OPRM1: variants seen among roughly 807,000 people sequenced by gnomAD.
OPRM1 encodes opioid receptor mu 1, also known as mu-type opioid receptor.
In OPRM1, 27 loss-of-function variants were observed where a neutral mutation model predicts 31.8. The ratio of observed to expected loss-of-function variants is 0.85; its 90% CI spans 0.63 to 1.17. OPRM1 has a LOEUF of 1.17. OPRM1 is among the 50% of genes most tolerant of loss of function. The pLI, the probability that OPRM1 is intolerant of heterozygous loss-of-function variation, is 0.00. For synonymous variants in OPRM1, 196 were observed against 189.9 expected (o/e 1.03, Z -0.26); for missense variants, 536 against 511.1 (o/e 1.05, Z -0.47).
chr6:154,061,892 C>T (rs1303982579), intron 1 of OPRM1, among the ~76,000 whole-genome samples: 9 of 151,406 alleles, frequency 5.9e-5, no homozygotes, highest in South Asian at 2.1e-4. Flanking sequence ...GATTTTATGG[C>T]GAACAAAAGT....
intron 3 of OPRM1, chr6:154,199,917 A>T (rs769951595): frequency 1.9e-6 from 3 of 1,614,162 alleles, no homozygotes; most frequent in Non-Finnish European, 2.5e-6. Context: ...TCAGGCAAGG[A>T]TTGTCTCTCT....
intron 3 of OPRM1, among the ~76,000 whole-genome samples, chr6:154,094,873 T>C (rs906230304): frequency 2.0e-5 from 3 of 152,188 alleles, no homozygotes; most frequent in African/African-American, 7.2e-5. Context: ...AGCGAATAAT[T>C]ATGACCACTT....
In OPRM1 at chr6:154,040,783, T is replaced by C. The variant is rs113442379; in HGVS notation, c.290+949T>C. Among the ~76,000 whole-genome samples, 1,056 of 152,356 alleles carry C rather than the reference T, an allele frequency of 6.9e-3. 17 individuals carry two copies. The highest frequency in any genetic ancestry group is 0.024 in the African/African-American group (1,002 of 41,578). On this transcript the variant is annotated intron_variant, in intron 1 of 3. Coordinates refer to ENST00000330432, the MANE Select transcript of OPRM1 (RefSeq NM_000914.5). ...CAAAAGAGTTGTAGTCCACTTTCTG[T>C]TTACCCAGATGTTCCCGGTATATTT...
chr6:154,117,965 A>G (rs1051747620), intron 3 of OPRM1, among the ~76,000 whole-genome samples: 5 of 152,122 alleles, frequency 3.3e-5, no homozygotes, highest in African/African-American at 9.7e-5. Flanking sequence ...TAAAATTTTA[A>G]AAAAATGATC....
chr6:154,072,294 T>A (rs1786952361), intron 1 of OPRM1, among the ~76,000 whole-genome samples: 1 of 152,204 alleles, frequency 6.6e-6, no homozygotes, highest in Non-Finnish European at 1.5e-5. Flanking sequence ...AGGTAGGCAG[T>A]TGAGTGCAGA....
In OPRM1 at chr6:154,018,261, A is replaced by G. The variant is rs116421649; in HGVS notation, c.-1+7243A>G. Among the ~76,000 whole-genome samples the G allele has an allele frequency of 4.8e-3, 726 of 152,202 alleles. 2 individuals are homozygous for G. The highest frequency in any genetic ancestry group is 0.016 in the African/African-American group (647 of 41,512). On this transcript the variant is annotated intron_variant, in intron 1 of 5. Transcript: ENST00000434900. The stretch of plus-strand genomic sequence containing the variant: ...TGGTGAAACTCTCTCTCTTCTAAAA[A>G]TATAAAGAATTAGCCAGGCATGGTG...
intron 3 of OPRM1, among the ~76,000 whole-genome samples, chr6:154,203,658 C>A (rs573933464): frequency 6.6e-6 from 1 of 152,160 alleles, no homozygotes; most frequent in Non-Finnish European, 1.5e-5. Context: ...TAAACCCCCA[C>A]AGATACCAAG....
chr6:154,054,323 C>T (rs1782784289), intron 1 of OPRM1, among the ~76,000 whole-genome samples: 5 of 146,308 alleles, frequency 3.4e-5, no homozygotes, highest in South Asian at 2.2e-4. Context: ...GAGCTGAAAT[C>T]GCGCCACTGC....
At chr6:154,027,871 A>G (rs1162769892) in intron 1 of OPRM1, among the ~76,000 whole-genome samples, 3 of 152,142 alleles carry the variant, frequency 2.0e-5, no homozygotes, top group Non-Finnish European at 4.4e-5. Flanking sequence ...CTCACTCTTC[A>G]GAGTAGTGGG....
At chr6:154,159,618 T>A in intron 3 of OPRM1, 1 of 564,644 alleles carries the variant, frequency 1.8e-6, no homozygotes, top group Non-Finnish European at 3.1e-6. Context: ...CTGAACTCAA[T>A]CATTCCAATC....
At chr6:154,141,412 G>A (rs1798206653) in intron 3 of OPRM1, among the ~76,000 whole-genome samples, 1 of 152,156 alleles carries the variant, frequency 6.6e-6, no homozygotes, top group Non-Finnish European at 1.5e-5. Context: ...GGCCTTGATG[G>A]GGGTGGGGCT....
chr6:154,026,946 G>T (rs1265706950), intron 1 of OPRM1, among the ~76,000 whole-genome samples: 2 of 151,460 alleles, frequency 1.3e-5, no homozygotes, highest in Admixed American at 1.3e-4. Context: ...TCCAGGAATA[G>T]TCCCTGGTGG....
At position 154,148,759 on chromosome 6, in the gene OPRM1, C is replaced by T. The variant is rs545037483; in HGVS notation, c.1164+57287C>T. Among the ~76,000 whole-genome samples the T allele has an allele frequency of 5.8e-4, 88 of 152,288 alleles. 1 individual carries two copies. Among genetic ancestry groups the T allele is most frequent in the Non-Finnish European group, 8.4e-4 (57 of 68,028 alleles). On this transcript the variant is annotated intron_variant, in intron 3 of 3. Transcript: ENST00000337049. ...AGATATGTTACATGAAGCTCTGCCC[C>T]GTGGAAGGCTTTCCATTCATCACCA...
intron 1 of OPRM1, among the ~76,000 whole-genome samples, chr6:154,017,453 G>C (rs1485065234): frequency 6.6e-6 from 1 of 152,126 alleles, no homozygotes; most frequent in Non-Finnish European, 1.5e-5. Context: ...CATGAGATCA[G>C]GGCAGACTGT....
chr6:154,110,312 T>C (rs1198413545), intron 3 of OPRM1: 2 of 979,666 alleles, frequency 2.0e-6, no homozygotes, highest in Non-Finnish European at 3.2e-6. Flanking sequence ...ATAAGCATTA[T>C]AATTGGTACA....
At chr6:154,030,624 T>C (rs530477375) in intron 1 of OPRM1, among the ~76,000 whole-genome samples, 1 of 152,304 alleles carries the variant, frequency 6.6e-6, no homozygotes, top group South Asian at 2.1e-4. Context: ...AAAAAATTTT[T>C]TTGTATTTTC....
At chr6:154,052,487 T>G (rs1782411150) in intron 1 of OPRM1, among the ~76,000 whole-genome samples, 1 of 152,230 alleles carries the variant, frequency 6.6e-6, no homozygotes, top group Non-Finnish European at 1.5e-5. Flanking sequence ...TCAATAAAAC[T>G]TTATATGGAC....
intron 1 of OPRM1, among the ~76,000 whole-genome samples, chr6:154,069,672 A>G (rs1314683298): frequency 1.3e-5 from 2 of 152,284 alleles, no homozygotes; most frequent in Middle Eastern, 6.8e-3. Context: ...CTTTGAATTT[A>G]TACTTTATCT....
intron 1 of OPRM1, among the ~76,000 whole-genome samples, chr6:154,029,885 C>T (rs1049882107): frequency 6.6e-6 from 1 of 152,144 alleles, no homozygotes; most frequent in Non-Finnish European, 1.5e-5. Flanking sequence ...TTTGCTTCCC[C>T]GTCTGCCATG....
Sources: gnomAD v4.1 joint callset for allele counts (sites outside exome capture counted in the v4.1 genomes callset) on GRCh38, gnomAD v4.1.1 for gene constraint, MANE v1.5 for transcripts, NCBI Gene and HGNC (gene_info 2026-07-23, HGNC 2026-07-21) for gene names.